The following NOMO3 variants were observed in gnomAD, a reference collection of about 807,000 sequenced individuals.
NOMO3 encodes BOS complex subunit NOMO3.
A neutral mutation model predicts 69.9 loss-of-function variants in NOMO3; 15 were observed. The observed-to-expected ratio is 0.21, with a 90% CI of 0.14 to 0.33. The LOEUF is 0.33. Among genes scored for constraint, NOMO3 ranks in the 10% least tolerant of loss-of-function variants. The probability of loss-of-function intolerance (pLI) is 1.00; values close to 1 mark genes in which losing one functional copy is unlikely to be tolerated. For synonymous variants in NOMO3, 89 were observed against 301.9 expected (o/e 0.29, Z 7.31); for missense variants, 218 against 761.0 (o/e 0.29, Z 8.39).
At chr16:16,249,178 A>G (rs945970650) in intron 6 of NOMO3, among the ~76,000 whole-genome samples, 3 of 145,246 alleles carry the variant, frequency 2.1e-5, no homozygotes, top group African/African-American at 8.2e-5. Flanking sequence ...TTTACTCTGT[A>G]GGTTTTACGC....
Position 16,263,355 on chromosome 16 carries a change from G to A in NOMO3, c.1537+140G>A, listed in dbSNP as rs2049580888. On this transcript the variant is annotated intron_variant, in intron 13 of 30. Transcript: ENST00000399336. ...CGAGGGAGGCTTCTTGGAGTCAGGT[G>A]GGTACATGTTAACTTGAAAGAAGCG... The A allele has an allele frequency of 3.2e-6, 5 of 1,576,110 alleles. No homozygotes were observed. The Admixed American group carries it at 7.0e-5, about 22-fold the overall frequency.
intron 11 of NOMO3, among the ~76,000 whole-genome samples, chr16:16,257,946 A>C (rs2606815): frequency 7.3e-6 from 1 of 137,364 alleles, no homozygotes; most frequent in African/African-American, 3.2e-5. Flanking sequence ...AAAATGCTTC[A>C]TACCTAATAA....
At chr16:16,245,518 G>A (rs113884678) in intron 5 of NOMO3, among the ~76,000 whole-genome samples, 20 of 142,870 alleles carry the variant, frequency 1.4e-4, no homozygotes, top group East Asian at 2.3e-4. Context: ...GGGAGACTCA[G>A]TCTCCACAAA....
chr16:16,240,580 C>G (rs1819044759), intron 3 of NOMO3, among the ~76,000 whole-genome samples: 1 of 144,992 alleles, frequency 6.9e-6, no homozygotes, highest in Admixed American at 6.7e-5. Flanking sequence ...CATATAACTG[C>G]CTTCAAGCAT....
At chr16:16,256,225 C>T in intron 11 of NOMO3, 67 bp downstream of exon 11, 1 of 1,541,606 alleles carries the variant, frequency 6.5e-7, no homozygotes, top group Non-Finnish European at 8.7e-7. Context: ...AACCAAATGA[C>T]CTGTGATCTG....
chr16:16,249,345 T>C (rs1039820631), intron 6 of NOMO3, among the ~76,000 whole-genome samples: 8 of 144,960 alleles, frequency 5.5e-5, no homozygotes, highest in Admixed American at 2.7e-4. Flanking sequence ...TTTGGGAGGC[T>C]GAGGTGGGTG....
At chr16:16,235,996 C>G (rs561442557) in intron 1 of NOMO3, 1 of 306,550 alleles carries the variant, frequency 3.3e-6, no homozygotes, top group African/African-American at 2.5e-5. Flanking sequence ...TGGGTTAACA[C>G]TTCGTGTCTG....
At chr16:16,234,130 G>A (rs2049306310) in intron 1 of NOMO3, among the ~76,000 whole-genome samples, 1 of 152,034 alleles carries the variant, frequency 6.6e-6, no homozygotes, top group African/African-American at 2.4e-5. Flanking sequence ...ACTGGCAGCG[G>A]CAGGGCTCCT....
chr16:16,265,352 A>C, intron 15 of NOMO3, 173 bp downstream of exon 15: 1 of 953,832 alleles, frequency 1.0e-6, no homozygotes, highest in Non-Finnish European at 1.5e-6. Flanking sequence ...ATACTCTCTC[A>C]GTGGAAGGAC....
At chr16:16,259,320 A>G (rs1191020383) in intron 11 of NOMO3, among the ~76,000 whole-genome samples, 1 of 144,052 alleles carries the variant, frequency 6.9e-6, no homozygotes, top group Non-Finnish European at 1.5e-5. Flanking sequence ...TTGCCTTTTT[A>G]GCACACTGAT....
chr16:16,244,120 C>T (rs552860700), intron 4 of NOMO3, among the ~76,000 whole-genome samples: 1 of 142,628 alleles, frequency 7.0e-6, no homozygotes, highest in Non-Finnish European at 1.5e-5. Flanking sequence ...CCTGTGCCTG[C>T]GGTTGAGATG....
In NOMO3 at chr16:16,265,136, C is replaced by A. The variant is rs775246794; in HGVS notation, c.1763C>A (p.Thr588Lys). The change falls in exon 15 of 31, where the codon ACG becomes AAG. Residue 588 changes from threonine to lysine, a missense_variant. Thr to Lys is a moderately conservative substitution (Grantham distance 78, BLOSUM62 -1). Transcript: ENST00000399336. ...DDVSAVEFRQ[T>K]GYMLRCSLSH... ...GTGTCTGCAGTTGAGTTCAGGCAGA[C>A]GGGCTACATGCTGAGATGTTCCCTG... 6.3e-7 allele frequency: 1 copy of A among 1,584,300 alleles called. No individual in the cohort carries two copies.
intron 8 of NOMO3, 110 bp downstream of exon 8, chr16:16,252,210 A>T: frequency 6.3e-7 from 1 of 1,577,436 alleles, no homozygotes; most frequent in East Asian, 2.5e-5. Flanking sequence ...CAGTTCTCTG[A>T]ACATGCTGTT....
In NOMO3 at chr16:16,265,176, T is replaced by C; in HGVS notation, c.1803T>C (p.Thr601=). 1 of 1,587,406 alleles carries C rather than the reference T, an allele frequency of 6.3e-7. No individual in the cohort carries two copies. ...MLRCSLSHAI[T]LEFYQDGNGR... ...GATGTTCCCTGTCTCACGCCATCAC[T>C]CTGGTATGTACGGCTTATGGAGTCT... The change falls in exon 15 of 31, where the codon ACT becomes ACC. Residue 601 remains threonine, a synonymous_variant. Coordinates refer to ENST00000399336, the MANE Select transcript of NOMO3 (RefSeq NM_001004067.4).
intron 9 of NOMO3, 56 bp from the exon 10 acceptor site, chr16:16,255,664 T>A (rs1275881749): frequency 5.1e-6 from 8 of 1,576,992 alleles, no homozygotes; most frequent in Non-Finnish European, 6.9e-6. Flanking sequence ...AGAAGGAGGC[T>A]TTGTGGCTCT....
In NOMO3 at chr16:16,265,268, G is replaced by T. The variant is rs758225093; in HGVS notation, c.1806+89G>T. The T allele has an allele frequency of 6.9e-6, 11 of 1,586,136 alleles. 1 individual carries two copies. The South Asian group carries it at 1.2e-4, about 18-fold the overall frequency. On this transcript the variant is annotated intron_variant, in intron 15 of 30. Transcript: ENST00000399336. ...CTAACATCCCAGGAATATTGTAAAC[G>T]TAGGCAAGTCAGATTTCCTTTTCTG... is the stretch of plus-strand genomic sequence containing the variant.
intron 6 of NOMO3, among the ~76,000 whole-genome samples, chr16:16,249,779 G>A (rs990250908): frequency 1.4e-5 from 2 of 143,602 alleles, no homozygotes; most frequent in Non-Finnish European, 3.0e-5. Flanking sequence ...TTAGTGACCG[G>A]AAGCAAGTGT....
intron 1 of NOMO3, among the ~76,000 whole-genome samples, chr16:16,235,178 A>G (rs1447840559): frequency 4.0e-5 from 6 of 151,086 alleles, no homozygotes; most frequent in Admixed American, 3.3e-4. Context: ...ATTTCACACG[A>G]GTCCTTTCCC....
rs59243746 is a variant in NOMO3 at position 16,265,670 on chromosome 16, A to ATTTTTTTTTTTT, written c.1806+508_1806+519dup. 1.8e-4 allele frequency among the ~76,000 whole-genome samples: 3 copies of ATTTTTTTTTTTT among 16,682 alleles called. 1 individual carries two copies. The highest frequency in any genetic ancestry group is 3.0e-3 in the South Asian group (1 of 332). 10.9% of individuals were successfully genotyped at this position (16,682 alleles called of 152,430 possible). A position where few individuals can be genotyped will look rare whatever the true frequency, so the allele number is the denominator to read the frequency against. The stretch of plus-strand genomic sequence containing the variant: ...TATATATATATATATATATATATAT[A>ATTTTTTTTTTTT]TTTTTTTTTTTTTTTTTTTTTTTTT... On this transcript the variant is annotated intron_variant, in intron 15 of 30. Transcript: ENST00000399336.
Sources: allele counts gnomAD v4.1 joint callset (sites outside exome capture counted in the v4.1 genomes callset), GRCh38; gene constraint gnomAD v4.1.1; transcripts MANE v1.5; gene names NCBI Gene and HGNC (gene_info 2026-07-23, HGNC 2026-07-21).